Variants in BRCA1 observed in about 807,000 individuals in gnomAD.
BRCA1 encodes the protein breast cancer type 1 susceptibility protein.
Under a neutral mutation model 173.7 loss-of-function variants are expected in BRCA1, and 140 were observed. The observed-to-expected ratio is 0.81, with a 90% CI of 0.70 to 0.93. BRCA1 has a LOEUF of 0.93. Among genes scored for constraint, BRCA1 ranks in the 40% least tolerant of loss-of-function variants. BRCA1 has a pLI of 0.00. For missense variants in BRCA1, 1,983 were observed against 2,172.5 expected (o/e 0.91, Z 1.73); for synonymous variants, 662 against 756.0 (o/e 0.88, Z 2.04).
At chr17:43,047,594 AC>A in intron 22 of BRCA1, 48 bp downstream of exon 22, 1 of 1,598,536 alleles carries the variant, frequency 6.3e-7, no homozygotes, top group Non-Finnish European at 8.6e-7. Flanking sequence ...GATAAACCAA[AC>A]CCATGCAAAA....
chr17:43,068,553 T>A (rs1447511728), intron 15 of BRCA1, among the ~76,000 whole-genome samples: 12 of 139,792 alleles, frequency 8.6e-5, no homozygotes, highest in Admixed American at 2.2e-4. Flanking sequence ...TTCATGTCTT[T>A]AAAAAAAAAA....
chr17:43,063,358 A>C lies in BRCA1; in HGVS notation c.5168T>G (p.Ile1723Ser), dbSNP rs1064793533. Residue 1723 changes from isoleucine (I) to serine (S), a missense_variant, in exon 18 of 23, where the codon ATT becomes AGT. Coordinates refer to ENST00000357654, the MANE Select transcript of BRCA1 (RefSeq NM_007294.4). The stretch of plus-strand genomic sequence containing the variant: ...CTCATTCAGCATTTTTCTTTCTTTA[A>C]TAGACTGGGTCACCCCTAAAGAGAT... Reference protein sequence around the residue: ...VVSYFWVTQSIKERKMLNEHD... With the variant: ...VVSYFWVTQSSKERKMLNEHD... 6.2e-7 allele frequency: 1 copy of C among 1,611,582 alleles called. No individual in the cohort carries two copies. Among genetic ancestry groups the C allele is most frequent in the Non-Finnish European group, 8.5e-7 (1 of 1,177,832 alleles).
rs193150833 is a variant in BRCA1 at position 43,119,569 on chromosome 17, C to G, written c.81-3790G>C. Among the ~76,000 whole-genome samples the G allele has an allele frequency of 2.9e-3, 444 of 152,280 alleles. 2 individuals carry two copies. Among genetic ancestry groups the G allele is most frequent in the Middle Eastern group, 0.01 (3 of 294 alleles). On this transcript the variant is annotated intron_variant, in intron 2 of 22. Coordinates refer to ENST00000357654, the MANE Select transcript of BRCA1 (RefSeq NM_007294.4). ...TTAAATGCTACTTGGGAAAATGCTT[C>G]ACAACCTGAGATGACTTGGGAAAAA...
rs189382442 is a variant in BRCA1 at position 43,044,355 on chromosome 17, T to C, written c.*1323A>G. 192 of 498,962 alleles carry C rather than the reference T, an allele frequency of 3.8e-4. No homozygotes were observed. The highest frequency in any genetic ancestry group is 3.4e-3 in the African/African-American group (178 of 52,034). The allele number at this position is 498,962 out of a possible 1,614,324, so 30.9% of individuals were successfully genotyped here. ...AACAGCACAACATTTACAAAACGTA[T>C]TTTGTACAATCAAGTCTTCACTGCC... is the stretch of plus-strand genomic sequence containing the variant. On this transcript the variant is annotated 3_prime_UTR_variant, in exon 23 of 23. Transcript: ENST00000357654.
At chr17:43,099,334 G>A (rs530719057) in intron 7 of BRCA1, among the ~76,000 whole-genome samples, 9 of 150,212 alleles carry the variant, frequency 6.0e-5, no homozygotes, top group East Asian at 2.0e-4. Context: ...GCAATGGTGC[G>A]ATCTCGGTTC....
chr17:43,127,879 C>T (rs1474261016), upstream of BRCA1, among the ~76,000 whole-genome samples: 1 of 151,922 alleles, frequency 6.6e-6, no homozygotes, highest in African/African-American at 2.4e-5. Flanking sequence ...AAAATATTAG[C>T]TGGGTGCGGT....
At chr17:43,166,130 C>CTG (rs1177709728) in intron 1 of BRCA1, 32 of 74,958 alleles carry the variant, frequency 4.3e-4, no homozygotes, top group Non-Finnish European at 1.0e-3. Flanking sequence ...CTCTTCCTCT[C>CTG]TCTCTGTGTG....
intron 1 of BRCA1, chr17:43,166,846 A>G (rs533431521): frequency 2.0e-5 from 3 of 152,384 alleles, no homozygotes; most frequent in Admixed American, 6.5e-5. Context: ...ACTCAAATGG[A>G]GTAGGCAAGT....
intron 11 of BRCA1, among the ~76,000 whole-genome samples, chr17:43,083,105 A>G (rs1024641940): frequency 1.3e-5 from 2 of 152,066 alleles, no homozygotes; most frequent in Non-Finnish European, 2.9e-5. Flanking sequence ...AATCCTGCCT[A>G]GATTACTGGC....
At position 43,134,291 on chromosome 17, in the gene BRCA1, G is replaced by A. The variant is rs149790311; in HGVS notation, c.-19-10176C>T. On this transcript the variant is annotated intron_variant, in intron 1 of 7. Transcript: ENST00000634433. ...TCCATGCTTTAAGAGCTTCCCCAAG[G>A]CATGCAGAGCAAGCTGAGAAGAGGT... 6.3e-4 allele frequency among the ~76,000 whole-genome samples: 96 copies of A among 152,234 alleles called. No individual in the cohort carries two copies. The Middle Eastern group carries it at 0.01, about 16-fold the overall frequency.
rs149867679 is a variant in BRCA1, at chr17:43,094,724, C to A, written c.807G>T (p.Leu269Phe). 6.2e-7 allele frequency: 1 copy of A among 1,611,378 alleles called. No individual in the cohort carries two copies. The highest frequency in any genetic ancestry group is 1.1e-5 in the South Asian group (1 of 90,900). The change falls in exon 10 of 23, where the codon TTG (leucine) becomes TTT (phenylalanine). Residue 269 changes from leucine to phenylalanine, a missense_variant. Transcript: ENST00000357654. Reference protein sequence around the residue: ...EKYQGSSVSNLHVEPCGTNTH... With the variant: ...EKYQGSSVSNFHVEPCGTNTH... ...TATTTGTGCCACATGGCTCCACATG[C>A]AAGTTTGAAACAGAACTACCCTGAT...
chr17:43,133,257 CAG>C (rs1457786081), intron 1 of BRCA1: 1 of 152,114 alleles, frequency 6.6e-6, no homozygotes, highest in East Asian at 1.9e-4. Flanking sequence ...AGTTTGAAAA[CAG>C]AAAGTAACTG....
intron 22 of BRCA1, among the ~76,000 whole-genome samples, chr17:43,046,124 T>C (rs2050906236): frequency 6.6e-6 from 1 of 151,594 alleles, no homozygotes; most frequent in South Asian, 2.1e-4. Context: ...GGTTTCACAA[T>C]GTTGGCCAGG....
upstream of BRCA1, among the ~76,000 whole-genome samples, chr17:43,127,782 T>C (rs1048884023): frequency 2.0e-5 from 3 of 151,930 alleles, no homozygotes; most frequent in African/African-American, 7.3e-5. Flanking sequence ...CCCAGCAATT[T>C]GGGAGGCCTA....
chr17:43,070,845 T>C, intron 15 of BRCA1, 83 bp downstream of exon 15: 2 of 1,466,988 alleles, frequency 1.4e-6, no homozygotes, highest in South Asian at 2.3e-5. Context: ...CTCTAGGTTA[T>C]TAATTGACAA....
Position 43,146,172 on chromosome 17 carries a change from T to G in BRCA1, c.-19-22057A>C, listed in dbSNP as rs183357752. ...TGAACTGTGGGCCATACATAACAGC[T>G]GATCAACATGTGAAGATATGGGTAC... On this transcript the variant is annotated intron_variant, in intron 1 of 7. Transcript: ENST00000634433. Among the ~76,000 whole-genome samples, 180 of 152,232 alleles carry G rather than the reference T, an allele frequency of 1.2e-3. 1 individual carries two copies. The highest frequency in any genetic ancestry group is 4.2e-3 in the African/African-American group (173 of 41,534).
At chr17:43,087,026 T>C (rs1285871098) in intron 11 of BRCA1, among the ~76,000 whole-genome samples, 1 of 152,222 alleles carries the variant, frequency 6.6e-6, no homozygotes, top group African/African-American at 2.4e-5. Flanking sequence ...AAGATTTAGA[T>C]TTTAAAACTG....
intron 1 of BRCA1, among the ~76,000 whole-genome samples, chr17:43,152,468 C>G (rs2056168084): frequency 6.6e-6 from 1 of 152,144 alleles, no homozygotes; most frequent in African/African-American, 2.4e-5. Flanking sequence ...CACCTGTCAT[C>G]TCAGCACTTT....
chr17:43,045,307 C>T lies in BRCA1; in HGVS notation c.*371G>A, dbSNP rs1233536446. On this transcript the variant is annotated 3_prime_UTR_variant, in exon 23 of 23. Transcript: ENST00000357654. Reference sequence around the variant, plus strand: ...AGTAAACTTAGGGAAACCAGCTATTCTCTTGAGGCCAAGCCACTCTGTGCT... The same window carrying T: ...AGTAAACTTAGGGAAACCAGCTATTTTCTTGAGGCCAAGCCACTCTGTGCT... 1.8e-6 allele frequency: 1 copy of T among 557,430 alleles called. No homozygotes were observed. The highest frequency in any genetic ancestry group is 1.8e-5 in the African/African-American group (1 of 54,578). 34.5% of individuals were successfully genotyped at this position (557,430 alleles called of 1,614,324 possible).
Sources: gnomAD v4.1 joint callset for allele counts (sites outside exome capture counted in the v4.1 genomes callset) on GRCh38, gnomAD v4.1.1 for gene constraint, MANE v1.5 for transcripts, NCBI Gene and HGNC (gene_info 2026-07-23, HGNC 2026-07-21) for gene names.